Variants in RBFOX1 observed in about 807,000 individuals in gnomAD.
The protein encoded by RBFOX1 is RNA binding fox-1 homolog 1.
RBFOX1 carries 8 observed loss-of-function variants against 57.7 expected under a neutral mutation model. The ratio of observed to expected loss-of-function variants is 0.14; its 90% CI spans 0.08 to 0.25. The LOEUF is 0.25. Among genes scored for constraint, RBFOX1 ranks in the 10% least tolerant of loss-of-function variants. RBFOX1 has a pLI of 1.00. For synonymous variants in RBFOX1, 326 were observed against 222.4 expected (o/e 1.47, Z -4.15); for missense variants, 611 against 548.5 (o/e 1.11, Z -1.14).
chr16:7,495,572 G>A (rs1004293695), intron 4 of RBFOX1, among the ~76,000 whole-genome samples: 2 of 152,180 alleles, frequency 1.3e-5, no homozygotes, highest in Non-Finnish European at 2.9e-5. Context: ...CCCTGATGAT[G>A]ATTATAAGCA....
At chr16:6,004,517 C>T (rs114233193) in intron 4 of RBFOX1, among the ~76,000 whole-genome samples, 1 of 152,308 alleles carries the variant, frequency 6.6e-6, no homozygotes, top group East Asian at 1.9e-4. Flanking sequence ...GACTTTTAGT[C>T]TATGGCCACT....
chr16:6,679,556 C>G (rs1409743308), intron 3 of RBFOX1, among the ~76,000 whole-genome samples: 1 of 152,150 alleles, frequency 6.6e-6, no homozygotes, highest in Non-Finnish European at 1.5e-5. Flanking sequence ...AGTCATACCC[C>G]TCTCTTCTAG....
At chr16:6,321,688 A>G (rs1307029630) in intron 2 of RBFOX1, among the ~76,000 whole-genome samples, 1 of 152,204 alleles carries the variant, frequency 6.6e-6, no homozygotes, top group Non-Finnish European at 1.5e-5. Flanking sequence ...GGTCGGGCAG[A>G]TAGAGGGATG....
rs74004383 is a variant in RBFOX1, at chr16:5,532,289, A to G, written c.258+65035A>G. On this transcript the variant is annotated intron_variant, in intron 2 of 2. Coordinates refer to the RBFOX1 transcript ENST00000585867. ...CTAGTTGTGACAAGCAGACTTTGCCAAACATTTCTGGGGAGCAACATCGCC... is the reference window on the plus strand; with the variant it reads ...CTAGTTGTGACAAGCAGACTTTGCCGAACATTTCTGGGGAGCAACATCGCC... 5.3e-3 allele frequency among the ~76,000 whole-genome samples: 800 copies of G among 152,330 alleles called. 4 individuals are homozygous for G. Among genetic ancestry groups the G allele is most frequent in the African/African-American group, 0.018 (731 of 41,566 alleles).
chr16:6,296,578 A>G lies in RBFOX1; in HGVS notation c.-126-20417A>G, dbSNP rs200716574. ...TGGGACTACAGGCGTCCACCACCACACCTGGCTAATCTTTTATATTTTTAG... is the reference window on the plus strand; with the variant it reads ...TGGGACTACAGGCGTCCACCACCACGCCTGGCTAATCTTTTATATTTTTAG... On this transcript the variant is annotated intron_variant, in intron 1 of 15. Transcript: ENST00000550418. Among the ~76,000 whole-genome samples, 5 of 151,890 alleles carry G rather than the reference A, an allele frequency of 3.3e-5. No individual in the cohort carries two copies. In the East Asian group the frequency reaches 9.7e-4, roughly 30 times the overall value.
At chr16:6,329,955 C>T (rs2082813482) in intron 2 of RBFOX1, among the ~76,000 whole-genome samples, 1 of 152,018 alleles carries the variant, frequency 6.6e-6, no homozygotes, top group South Asian at 2.1e-4. Context: ...ATAACAACAA[C>T]AAAAACAAAA....
At position 7,712,243 on chromosome 16, in the gene RBFOX1, G is replaced by A. The variant is rs2084106930; in HGVS notation, c.*1498G>A. ...TATTTAAATAAAAACAACAGCAGCAGGCTGTCCCTGAGTAGTTTTGCTGCC... is the reference window on the plus strand; with the variant it reads ...TATTTAAATAAAAACAACAGCAGCAAGCTGTCCCTGAGTAGTTTTGCTGCC... On this transcript the variant is annotated 3_prime_UTR_variant, in exon 16 of 16. Coordinates refer to ENST00000550418, the MANE Select transcript of RBFOX1 (RefSeq NM_018723.4). The A allele has an allele frequency of 6.6e-6, 1 of 152,562 alleles. No homozygotes were observed. Among genetic ancestry groups the A allele is most frequent in the Admixed American group, 6.5e-5 (1 of 15,274 alleles). 9.5% of individuals were successfully genotyped at this position (152,562 alleles called of 1,614,324 possible).
intron 1 of RBFOX1, among the ~76,000 whole-genome samples, chr16:5,311,387 A>C (rs1285819546): frequency 2.0e-5 from 3 of 152,188 alleles, no homozygotes; most frequent in Non-Finnish European, 4.4e-5. Flanking sequence ...TCTTCTTGCT[A>C]TCATGACTTC....
At chr16:7,001,991 T>C (rs534335720) in intron 3 of RBFOX1, among the ~76,000 whole-genome samples, 1 of 152,032 alleles carries the variant, frequency 6.6e-6, no homozygotes, top group South Asian at 2.1e-4. Context: ...GAACTCCTGG[T>C]GTTTAGAGTG....
At chr16:6,787,299 G>A (rs1441853244) in intron 3 of RBFOX1, among the ~76,000 whole-genome samples, 2 of 152,166 alleles carry the variant, frequency 1.3e-5, no homozygotes, top group African/African-American at 2.4e-5. Flanking sequence ...CAAAAGCCAG[G>A]TTGGTCCTGC....
intron 1 of RBFOX1, among the ~76,000 whole-genome samples, chr16:6,283,651 C>G (rs751598222): frequency 9.2e-5 from 14 of 152,234 alleles, no homozygotes; most frequent in Non-Finnish European, 1.5e-4. Flanking sequence ...ATCCCTTTGT[C>G]CCTACGTGCC....
chr16:6,201,522 A>T (rs1361363287), intron 1 of RBFOX1, among the ~76,000 whole-genome samples: 1 of 152,188 alleles, frequency 6.6e-6, no homozygotes, highest in African/African-American at 2.4e-5. Flanking sequence ...TGAGAAGGGT[A>T]GCCCGGAGTG....
intron 4 of RBFOX1, among the ~76,000 whole-genome samples, chr16:7,501,365 A>G (rs1267136798): frequency 1.3e-5 from 2 of 152,228 alleles, no homozygotes; most frequent in African/African-American, 2.4e-5. Context: ...AAAGGAATGC[A>G]TAAGACAGCT....
chr16:6,252,211 G>T (rs933863250), intron 1 of RBFOX1, among the ~76,000 whole-genome samples: 1 of 152,062 alleles, frequency 6.6e-6, no homozygotes, highest in Non-Finnish European at 1.5e-5. Flanking sequence ...AGAAAAGGCA[G>T]AGAGCCCTTC....
chr16:7,427,795 A>G (rs1282274005), intron 4 of RBFOX1, among the ~76,000 whole-genome samples: 1 of 152,072 alleles, frequency 6.6e-6, no homozygotes, highest in Non-Finnish European at 1.5e-5. Flanking sequence ...CTGGGATTAC[A>G]GGCATGTGCT....
At chr16:7,356,300 C>G (rs555678270) in intron 4 of RBFOX1, among the ~76,000 whole-genome samples, 34 of 152,236 alleles carry the variant, frequency 2.2e-4, no homozygotes, top group African/African-American at 8.2e-4. Context: ...CGTTATAGAT[C>G]TAAGCAACAA....
intron 2 of RBFOX1, among the ~76,000 whole-genome samples, chr16:6,414,481 A>G (rs2093564217): frequency 6.6e-6 from 1 of 152,176 alleles, no homozygotes; most frequent in Non-Finnish European, 1.5e-5. Context: ...TGCTGTTGGG[A>G]GAGAGGCAGA....
At chr16:6,747,253 A>G (rs1303036045) in intron 3 of RBFOX1, among the ~76,000 whole-genome samples, 1 of 152,138 alleles carries the variant, frequency 6.6e-6, no homozygotes, top group African/African-American at 2.4e-5. Context: ...TACTAAAAAT[A>G]TACAAATTAG....
chr16:6,979,813 G>C (rs1474183251), intron 3 of RBFOX1, among the ~76,000 whole-genome samples: 1 of 152,170 alleles, frequency 6.6e-6, no homozygotes, highest in Non-Finnish European at 1.5e-5. Flanking sequence ...CCTGCCTACA[G>C]AAATGCCAGA....
Sources: allele counts gnomAD v4.1 joint callset (sites outside exome capture counted in the v4.1 genomes callset), GRCh38; gene constraint gnomAD v4.1.1; transcripts MANE v1.5; gene names NCBI Gene and HGNC (gene_info 2026-07-23, HGNC 2026-07-21).